The following SYN2 variants were observed in gnomAD, a reference collection of about 807,000 sequenced individuals.
The protein encoded by SYN2 is synapsin-2.
SYN2 carries 19 observed loss-of-function variants against 50.9 expected under a neutral mutation model. That is an observed-to-expected ratio of 0.37 (90% CI 0.26 to 0.55). The LOEUF (loss-of-function observed/expected upper bound fraction) is 0.55. Among genes scored for constraint, SYN2 ranks in the 20% least tolerant of loss-of-function variants. The probability of loss-of-function intolerance (pLI) is 0.81; values close to 1 mark genes in which losing one functional copy is unlikely to be tolerated. For synonymous variants in SYN2, 255 were observed against 224.9 expected, an observed-to-expected ratio of 1.13 and a Z score of -1.20; for missense variants, 587 against 576.4, an observed-to-expected ratio of 1.02 and a Z score of -0.19.
At chr3:12,070,089 T>C (rs1015012974) in intron 1 of SYN2, 2 of 273,924 alleles carry the variant, frequency 7.3e-6, no homozygotes, top group East Asian at 9.4e-5. Context: ...CATAAGCCAC[T>C]ATGCCTGTCT....
chr3:12,160,693 A>G lies in SYN2; in HGVS notation c.775-853A>G, dbSNP rs571994399. 4.6e-5 allele frequency among the ~76,000 whole-genome samples: 7 copies of G among 152,316 alleles called. No homozygotes were observed. In the East Asian group the frequency reaches 1.4e-3, roughly 29 times the overall value. Reference sequence around the variant, plus strand: ...GATGTGAAGGCTGAGGCCCAGTGAGATACAGTGACTTGTAGAAAGTCCGTG... The same window carrying G: ...GATGTGAAGGCTGAGGCCCAGTGAGGTACAGTGACTTGTAGAAAGTCCGTG... On this transcript the variant is annotated intron_variant, in intron 5 of 12. Coordinates refer to ENST00000621198, the MANE Select transcript of SYN2 (RefSeq NM_133625.6).
At chr3:12,185,266 T>C in intron 11 of SYN2, 1 of 985,776 alleles carries the variant, frequency 1.0e-6, no homozygotes, top group Non-Finnish European at 1.2e-6. Context: ...CATTATTTTA[T>C]CGTATATTTT....
At position 12,068,633 on chromosome 3, in the gene SYN2, C is replaced by T. The variant is rs531418868; in HGVS notation, c.377+63705C>T. Among the ~76,000 whole-genome samples the T allele has an allele frequency of 1.1e-4, 17 of 152,162 alleles. No individual in the cohort carries two copies. The East Asian group carries it at 2.3e-3, about 21-fold the overall frequency. On this transcript the variant is annotated intron_variant, in intron 1 of 12. Transcript: ENST00000621198. ...AACTATTATTTGGTTGTTGACCTTC[C>T]GAATTTATCAGTAGATTTAAATTTT...
chr3:12,171,273 TA>T (rs907013533), intron 10 of SYN2, among the ~76,000 whole-genome samples: 4 of 152,204 alleles, frequency 2.6e-5, no homozygotes, highest in African/African-American at 7.2e-5. Flanking sequence ...TTTTTATGGT[TA>T]AAAAAATATC....
intron 1 of SYN2, among the ~76,000 whole-genome samples, chr3:12,040,079 A>C (rs1694579667): frequency 6.6e-6 from 1 of 152,168 alleles, no homozygotes; most frequent in Admixed American, 6.5e-5. Context: ...TTGGGACATA[A>C]ATTGGTGATT....
intron 1 of SYN2, among the ~76,000 whole-genome samples, chr3:12,121,715 A>AGG (rs1696563084): frequency 1.4e-5 from 2 of 146,076 alleles, no homozygotes; most frequent in African/African-American, 5.0e-5. Context: ...GGAGGGAGGA[A>AGG]GGGAGGGAGG....
intron 1 of SYN2, among the ~76,000 whole-genome samples, chr3:12,025,685 T>C (rs998577053): frequency 1.3e-5 from 2 of 152,100 alleles, no homozygotes; most frequent in African/African-American, 4.8e-5. Context: ...GGGCTTTTCC[T>C]GATGACCCTG....
rs115884045 is a variant in SYN2 at position 12,135,006 on chromosome 3, T to A, written c.378-5645T>A. Among the ~76,000 whole-genome samples, 384 of 152,352 alleles carry A rather than the reference T, an allele frequency of 2.5e-3. 2 individuals carry two copies. The highest frequency in any genetic ancestry group is 8.7e-3 in the African/African-American group (360 of 41,580). ...TTTAGTGACAAACCACGGCGTTTCT[T>A]TCTACAAGTTGCAAAAGCCAGCTAT... is the stretch of plus-strand genomic sequence containing the variant. On this transcript the variant is annotated intron_variant, in intron 1 of 12. Coordinates refer to ENST00000621198, the MANE Select transcript of SYN2 (RefSeq NM_133625.6).
At chr3:12,071,288 T>A in intron 1 of SYN2, 1 of 562,238 alleles carries the variant, frequency 1.8e-6, no homozygotes, top group Non-Finnish European at 3.6e-6. Flanking sequence ...TCACTGTCCA[T>A]CTTCCAGCAG....
intron 1 of SYN2, among the ~76,000 whole-genome samples, chr3:12,040,238 A>G (rs1694581895): frequency 6.6e-6 from 1 of 152,160 alleles, no homozygotes; most frequent in Admixed American, 6.5e-5. Context: ...GTGTAGTTGC[A>G]GACAGAAAGG....
At chr3:12,010,656 A>G (rs1472389599) in intron 1 of SYN2, among the ~76,000 whole-genome samples, 1 of 152,230 alleles carries the variant, frequency 6.6e-6, no homozygotes, top group Non-Finnish European at 1.5e-5. Flanking sequence ...ATATTCTCCA[A>G]GATCCTTTCC....
chr3:12,149,052 GGAGGGTGGGGTGAGCTCCCT>G (rs1000139332), intron 4 of SYN2, among the ~76,000 whole-genome samples: 3 of 152,242 alleles, frequency 2.0e-5, no homozygotes, highest in Non-Finnish European at 4.4e-5. Context: ...CTGCTGGAGA[GGAGGGTGGGGTGAGCTCCCT>G]GAGACCCAAC....
chr3:12,090,863 G>C (rs1695810528), intron 1 of SYN2, among the ~76,000 whole-genome samples: 1 of 152,132 alleles, frequency 6.6e-6, no homozygotes, highest in Admixed American at 6.6e-5. Flanking sequence ...TGCAGGAGAG[G>C]ACAGCATAGC....
intron 1 of SYN2, among the ~76,000 whole-genome samples, chr3:12,027,410 G>A (rs571282722): frequency 3.3e-5 from 5 of 152,046 alleles, no homozygotes; most frequent in South Asian, 4.1e-4. Context: ...GAAAGATGTC[G>A]TACCCATTGT....
chr3:12,056,418 CT>C (rs5846742), intron 1 of SYN2, among the ~76,000 whole-genome samples: 7 of 150,190 alleles, frequency 4.7e-5, no homozygotes, highest in African/African-American at 1.7e-4. Context: ...AAGCAATACT[CT>C]TTTTTTTTAA....
Position 12,066,891 on chromosome 3 carries a change from C to T in SYN2, c.377+61963C>T, listed in dbSNP as rs905542386. On this transcript the variant is annotated intron_variant, in intron 1 of 12. Coordinates refer to ENST00000621198, the MANE Select transcript of SYN2 (RefSeq NM_133625.6). ...ATGATGGCAGAAGGGTATCACTTCT[C>T]GGCCTTTTGACTAAGATCAAGTGTA... 2.6e-5 allele frequency among the ~76,000 whole-genome samples: 4 copies of T among 152,102 alleles called. No homozygotes were observed. The South Asian group carries it at 6.2e-4, about 24-fold the overall frequency.
At chr3:12,185,863 A>G in intron 11 of SYN2, 1 of 747,124 alleles carries the variant, frequency 1.3e-6, no homozygotes. Flanking sequence ...AATGATGCCA[A>G]ACTTTGGAAG....
chr3:12,153,852 T>C, intron 5 of SYN2: 1 of 886,312 alleles, frequency 1.1e-6, no homozygotes, highest in Non-Finnish European at 1.7e-6. Flanking sequence ...CCCAGTCTTC[T>C]CCTGGATTCT....
intron 10 of SYN2, among the ~76,000 whole-genome samples, chr3:12,173,350 T>G (rs960428609): frequency 1.3e-5 from 2 of 152,182 alleles, no homozygotes; most frequent in Non-Finnish European, 1.5e-5. Flanking sequence ...CAAACTAGAT[T>G]ACCTTTGTGT....
Sources: allele counts gnomAD v4.1 joint callset (sites outside exome capture counted in the v4.1 genomes callset), GRCh38; gene constraint gnomAD v4.1.1; transcripts MANE v1.5; gene names NCBI Gene and HGNC (gene_info 2026-07-23, HGNC 2026-07-21).